ARSD: variants seen among roughly 807,000 people sequenced by gnomAD.
ARSD encodes the protein arylsulfatase D, also known as testis tissue sperm-binding protein Li 39a.
ARSD carries 21 observed loss-of-function variants against 32.6 expected under a neutral mutation model. The ratio of observed to expected loss-of-function variants is 0.64; its 90% CI spans 0.46 to 0.93. The LOEUF is 0.93. Among genes scored for constraint, ARSD ranks in the 40% least tolerant of loss-of-function variants. The pLI, the probability that ARSD is intolerant of heterozygous loss-of-function variation, is 0.00. For synonymous variants in ARSD, 224 were observed against 237.4 expected, an observed-to-expected ratio of 0.94 and a Z score of 0.52; for missense variants, 454 against 520.9, an observed-to-expected ratio of 0.87 and a Z score of 1.25.
rs749258093 is a variant in ARSD at position 2,907,564 on chromosome X, C to T, written c.1489G>A (p.Gly497Ser). The part of the protein sequence containing the change: ...FHPEGAGACY[G>S]RGVCPCSGEG... ...CCGGAGCATGGGCAGACGCCTCGGC[C>T]GTAGCAGGCCCCCGCTCCCTCGGGG... The change falls in exon 10 of 10, where the codon GGC (glycine) becomes AGC (serine). Residue 497 changes from glycine to serine, a missense_variant. Around this residue, in one of 3 missense-constraint regions of ARSD, gnomAD observed 179 missense variants for 198.5 expected, o/e 0.90. Transcript: ENST00000381154. 5 of 1,149,214 alleles carry T rather than the reference C, an allele frequency of 4.4e-6. No homozygotes were observed. The highest frequency in any genetic ancestry group is 3.1e-5 in the East Asian group (1 of 31,985). The allele number at this position is 1,149,214 out of a possible 1,213,427, so 94.7% of individuals were successfully genotyped here. A position where few individuals can be genotyped will look rare whatever the true frequency, so the allele number is the denominator to read the frequency against.
Position 2,913,514 on chromosome X carries a change from A to G in ARSD, c.1000+2042T>C, listed in dbSNP as rs1157050086. The stretch of plus-strand genomic sequence containing the variant: ...TATTTTTGGTTTACACTGTGAACCA[A>G]TCCCGCCCTATCACTATGCTTGTCT... On this transcript the variant is annotated intron_variant, in intron 6 of 9. Transcript: ENST00000381154. 4.1e-6 allele frequency: 4 copies of G among 967,708 alleles called. No homozygotes were observed. In the African/African-American group the frequency reaches 6.1e-5, roughly 15 times the overall value. The allele number at this position is 967,708 out of a possible 1,213,427, so 79.7% of individuals were successfully genotyped here. A position where few individuals can be genotyped will look rare whatever the true frequency, so the allele number is the denominator to read the frequency against.
At chrX:2,925,796 T>C in intron 1 of ARSD, 31 bp from the exon 2 acceptor site, 3 of 1,201,048 alleles carry the variant, frequency 2.5e-6, no homozygotes, top group South Asian at 1.8e-5. Context: ...CAGAAATGAC[T>C]ATCTACAATT....
intron 1 of ARSD, among the ~76,000 whole-genome samples, chrX:2,926,275 A>G (rs1219652922): frequency 8.9e-6 from 1 of 111,890 alleles, no homozygotes; most frequent in Admixed American, 9.5e-5. Flanking sequence ...CTCCTGCTAA[A>G]TCACAGAGTT....
In ARSD at chrX:2,905,427, A is replaced by G. The variant is rs2088845463; in HGVS notation, c.*1844T>C. On this transcript the variant is annotated 3_prime_UTR_variant, in exon 10 of 10. Transcript: ENST00000381154. ...GGTCCCAGCTGTGCAGTAGGTTAGGACTACACTTCCATCATCAAAGCCACA... is the reference window on the plus strand; with the variant it reads ...GGTCCCAGCTGTGCAGTAGGTTAGGGCTACACTTCCATCATCAAAGCCACA... 8.1e-6 allele frequency: 1 copy of G among 123,934 alleles called. No homozygotes were observed. The highest frequency in any genetic ancestry group is 1.6e-5 in the Non-Finnish European group (1 of 61,691). 10.2% of individuals were successfully genotyped at this position (123,934 alleles called of 1,213,427 possible).
chrX:2,929,302 A>G lies in ARSD; in HGVS notation c.-27T>C, dbSNP rs1297551742. On this transcript the variant is annotated 5_prime_UTR_variant, in exon 1 of 10. Transcript: ENST00000381154. ...GCCGAGCGCTGGCCCAGAGCGCAGGACCTTGCCCTGCGCACTCCGCGCCCG... is the reference window on the plus strand; with the variant it reads ...GCCGAGCGCTGGCCCAGAGCGCAGGGCCTTGCCCTGCGCACTCCGCGCCCG... The G allele has an allele frequency of 3.1e-6, 3 of 959,999 alleles. No homozygotes were observed. The highest frequency in any genetic ancestry group is 3.9e-6 in the Non-Finnish European group (3 of 770,324). 79.1% of individuals were successfully genotyped at this position (959,999 alleles called of 1,213,427 possible). A position where few individuals can be genotyped will look rare whatever the true frequency, so the allele number is the denominator to read the frequency against.
intron 6 of ARSD, chrX:2,914,413 A>G: frequency 3.2e-6 from 1 of 314,172 alleles, no homozygotes. Context: ...AATTTTTTGT[A>G]GAGATGGGGG....
intron 3 of ARSD, 119 bp downstream of exon 3, chrX:2,921,784 T>C (rs2089031073): frequency 2.3e-6 from 2 of 870,826 alleles, no homozygotes; most frequent in Non-Finnish European, 3.2e-6. Context: ...AGACGATGAA[T>C]TGCAGGTGAT....
At chrX:2,909,765 AC>A in intron 8 of ARSD, 51 bp downstream of exon 8, 2 of 1,118,783 alleles carry the variant, frequency 1.8e-6, no homozygotes, top group Non-Finnish European at 2.4e-6. Context: ...AAAAAAAAAA[AC>A]TAAAAACAAT....
At chrX:2,929,020 C>T (rs1262535715) in intron 1 of ARSD, among the ~76,000 whole-genome samples, 1 of 112,385 alleles carries the variant, frequency 8.9e-6, no homozygotes, top group Non-Finnish European at 1.9e-5. Context: ...TCCCCTCAGT[C>T]GCCCCCCATC....
At chrX:2,914,463 C>G in intron 6 of ARSD, 1 of 699,678 alleles carries the variant, frequency 1.4e-6, no homozygotes, top group Non-Finnish European at 1.8e-6. Context: ...TGGTCTTGAA[C>G]TCCTGGTCTC....
chrX:2,924,821 C>T (rs756321361), intron 2 of ARSD, among the ~76,000 whole-genome samples: 92 of 111,801 alleles, frequency 8.2e-4, no homozygotes, highest in South Asian at 5.7e-3. Flanking sequence ...CGCATGGGGA[C>T]GGAGGCACAA....
At position 2,908,831 on chromosome X, in the gene ARSD, C is replaced by A. The variant is rs763842155; in HGVS notation, c.1310G>T (p.Gly437Val). 7.4e-6 allele frequency: 9 copies of A among 1,211,047 alleles called. No individual in the cohort carries two copies. Among genetic ancestry groups the A allele is most frequent in the Non-Finnish European group, 1.0e-5 (9 of 895,270 alleles). Residue 437 changes from glycine to valine, a missense_variant, in exon 9 of 10, where the codon GGC (glycine) becomes GTC (valine). Coordinates refer to ENST00000381154, the MANE Select transcript of ARSD (RefSeq NM_001669.4). ...GEVPQDRVID[G>V]HSLVPLLQGA... Reference sequence around the variant, plus strand: ...CTGCAGCAAGGGTACCAGGCTGTGGCCATCAATCACCCTGATTTCATGAAG... The same window carrying A: ...CTGCAGCAAGGGTACCAGGCTGTGGACATCAATCACCCTGATTTCATGAAG...
chrX:2,928,666 T>C (rs1243072141), intron 1 of ARSD, among the ~76,000 whole-genome samples: 1 of 46,996 alleles, frequency 2.1e-5, no homozygotes, highest in South Asian at 2.2e-3. Context: ...CTGGAAGGCA[T>C]CGAGCTGGGG....
intron 1 of ARSD, among the ~76,000 whole-genome samples, chrX:2,926,008 T>C (rs1408109033): frequency 8.9e-6 from 1 of 111,925 alleles, no homozygotes; most frequent in African/African-American, 3.2e-5. Context: ...AAGAGAGTTT[T>C]TAATTCTGTA....
rs752079571 is a variant in ARSD, at chrX:2,907,119, A to AAAAG, written c.*148_*151dup. On this transcript the variant is annotated 3_prime_UTR_variant, in exon 10 of 10. Transcript: ENST00000381154. ...GGGACAGAGCGACACTCTGTCTCAA[A>AAAAG]AAAGAAAGAAAGAAAGAAAGAAAGT... 7.3e-5 allele frequency: 38 copies of AAAAG among 521,569 alleles called. No homozygotes were observed. The highest frequency in any genetic ancestry group is 1.0e-3 in the Middle Eastern group (2 of 1,938). The allele number at this position is 521,569 out of a possible 1,213,427, so 43.0% of individuals were successfully genotyped here.
intron 4 of ARSD, among the ~76,000 whole-genome samples, chrX:2,919,166 A>G (rs2089005565): frequency 1.0e-5 from 1 of 100,234 alleles, no homozygotes; most frequent in Admixed American, 1.1e-4. Context: ...CTTTAAAAAA[A>G]TTCAAAATAA....
chrX:2,920,855 A>G, intron 3 of ARSD, 132 bp from the exon 4 acceptor site: 2 of 817,728 alleles, frequency 2.4e-6, no homozygotes, highest in Non-Finnish European at 3.4e-6. Context: ...TCATCCATCT[A>G]TCATGTATGG....
At chrX:2,920,832 C>T (rs1419663553) in intron 3 of ARSD, 109 bp from the exon 4 acceptor site, 1 of 950,420 alleles carries the variant, frequency 1.1e-6, no homozygotes, top group Non-Finnish European at 1.4e-6. Flanking sequence ...CCGAGCCAGG[C>T]TGCTATTATC....
In ARSD at chrX:2,920,754, C is replaced by T. The variant is rs779427222; in HGVS notation, c.317-31G>A. On this transcript the variant is annotated intron_variant, in intron 3 of 9. Transcript: ENST00000381154. Reference sequence around the variant, plus strand: ...GGGCAGAGAAGACAGGAAGAATTTACTTTCCTTTCTCTAGAGGAGCACTTC... The same window carrying T: ...GGGCAGAGAAGACAGGAAGAATTTATTTTCCTTTCTCTAGAGGAGCACTTC... The T allele has an allele frequency of 3.3e-6, 4 of 1,202,798 alleles. No homozygotes were observed. In the South Asian group the frequency reaches 5.4e-5, roughly 16 times the overall value.
Sources: allele counts gnomAD v4.1 joint callset (sites outside exome capture counted in the v4.1 genomes callset), GRCh38; gene constraint gnomAD v4.1.1; regional missense constraint gnomAD v4.1.1; transcripts MANE v1.5; gene names NCBI Gene and HGNC (gene_info 2026-07-23, HGNC 2026-07-21).